The following ST18 variants were observed in gnomAD, a reference collection of about 807,000 sequenced individuals.
The protein encoded by ST18 is suppression of tumorigenicity 18 protein.
A neutral mutation model predicts 110.0 loss-of-function variants in ST18; 50 were observed. The ratio of observed to expected loss-of-function variants is 0.45; its 90% CI spans 0.36 to 0.58. ST18 has a LOEUF of 0.58. Among genes scored for constraint, ST18 ranks in the 20% least tolerant of loss-of-function variants. The pLI, the probability that ST18 is intolerant of heterozygous loss-of-function variation, is 0.00. For missense variants in ST18, 1,306 were observed against 1,280.1 expected, an observed-to-expected ratio of 1.02 and a Z score of -0.31; for synonymous variants, 461 against 452.4, an observed-to-expected ratio of 1.02 and a Z score of -0.24.
intron 2 of ST18, among the ~76,000 whole-genome samples, chr8:52,320,807 C>T (rs1803554181): frequency 6.6e-6 from 1 of 152,170 alleles, no homozygotes; most frequent in Non-Finnish European, 1.5e-5. Context: ...TGCCTTATGA[C>T]CCAACCATTC....
chr8:52,336,167 GAGAC>G (rs1477846487), intron 2 of ST18, among the ~76,000 whole-genome samples: 1 of 151,908 alleles, frequency 6.6e-6, no homozygotes, highest in African/African-American at 2.4e-5. Context: ...TATTATTTTT[GAGAC>G]AGAGTCTCCC....
At chr8:52,121,251 A>G (rs1470946021) in intron 23 of ST18, among the ~76,000 whole-genome samples, 2 of 152,182 alleles carry the variant, frequency 1.3e-5, no homozygotes, top group Non-Finnish European at 2.9e-5. Context: ...GGAGCTTGTG[A>G]GGGAAGATCA....
At chr8:52,172,993 T>C (rs2065550744) in intron 9 of ST18, among the ~76,000 whole-genome samples, 1 of 152,132 alleles carries the variant, frequency 6.6e-6, no homozygotes, top group East Asian at 1.9e-4. Flanking sequence ...CAGAAGAAAA[T>C]CAAATATATA....
chr8:52,353,148 G>C (rs2140339431), intron 2 of ST18, among the ~76,000 whole-genome samples: 1 of 152,324 alleles, frequency 6.6e-6, no homozygotes, highest in South Asian at 2.1e-4. Context: ...TCCAAAGATA[G>C]AGTTATGTAT....
At chr8:52,240,319 A>C (rs2093273402) in intron 2 of ST18, among the ~76,000 whole-genome samples, 1 of 152,162 alleles carries the variant, frequency 6.6e-6, no homozygotes, top group African/African-American at 2.4e-5. Flanking sequence ...TAACATGTTA[A>C]AGGAACTTGC....
intron 2 of ST18, among the ~76,000 whole-genome samples, chr8:52,290,343 T>C (rs1275426779): frequency 2.0e-5 from 3 of 152,178 alleles, no homozygotes; most frequent in Non-Finnish European, 2.9e-5. Context: ...GTGAACACAT[T>C]GTGTTCCCGC....
chr8:52,173,670 C>T (rs2065832089), intron 9 of ST18, among the ~76,000 whole-genome samples: 1 of 151,732 alleles, frequency 6.6e-6, no homozygotes, highest in Non-Finnish European at 1.5e-5. Flanking sequence ...GAAGTGCCTG[C>T]AACAGTGCCC....
rs921776170 is a variant in ST18, at chr8:52,409,537, T to C, written c.-590+11A>G. ...CAAAGCTACACAAATGCCAAGCCAA[T>C]GTGATAGCACCTTCCACAACTCTGC... On this transcript the variant is annotated intron_variant, in intron 1 of 25. Transcript: ENST00000689386. The C allele has an allele frequency of 2.2e-5, 2 of 91,916 alleles. No individual in the cohort carries two copies. Among genetic ancestry groups the C allele is most frequent in the Non-Finnish European group, 5.6e-5 (2 of 35,762 alleles). The allele number at this position is 91,916 out of a possible 1,614,324, so 5.7% of individuals were successfully genotyped here.
At chr8:52,314,040 A>G (rs1228167068) in intron 2 of ST18, among the ~76,000 whole-genome samples, 2 of 152,200 alleles carry the variant, frequency 1.3e-5, no homozygotes, top group African/African-American at 4.8e-5. Flanking sequence ...AGCCAAGGCC[A>G]GACTCTTCCC....
At chr8:52,354,564 G>T (rs181060650) in intron 2 of ST18, among the ~76,000 whole-genome samples, 1 of 152,150 alleles carries the variant, frequency 6.6e-6, no homozygotes, top group African/African-American at 2.4e-5. Context: ...GTTTGAATTC[G>T]CAAGAGAAGT....
intron 2 of ST18, among the ~76,000 whole-genome samples, chr8:52,389,889 T>C (rs1838685112): frequency 6.6e-6 from 1 of 152,148 alleles, no homozygotes; most frequent in African/African-American, 2.4e-5. Context: ...AAAATACAGA[T>C]ACAGCTGGCT....
chr8:52,136,913 C>G (rs2052643228), intron 18 of ST18, among the ~76,000 whole-genome samples: 1 of 152,172 alleles, frequency 6.6e-6, no homozygotes, highest in Non-Finnish European at 1.5e-5. Flanking sequence ...AACTCTAAAG[C>G]TCAGGGATGC....
At chr8:52,340,200 C>T (rs990776148) in intron 2 of ST18, among the ~76,000 whole-genome samples, 2 of 152,274 alleles carry the variant, frequency 1.3e-5, no homozygotes, top group African/African-American at 4.8e-5. Flanking sequence ...TGAGCCTCAA[C>T]TCTAAGAAAG....
chr8:52,343,987 T>G (rs1280785177), intron 2 of ST18, among the ~76,000 whole-genome samples: 1 of 152,228 alleles, frequency 6.6e-6, no homozygotes, highest in African/African-American at 2.4e-5. Flanking sequence ...TTTATGCAGA[T>G]GATAATGTAA....
intron 2 of ST18, among the ~76,000 whole-genome samples, chr8:52,350,348 G>A (rs568630495): frequency 7.6e-4 from 115 of 152,218 alleles, no homozygotes; most frequent in Middle Eastern, 3.4e-3. Context: ...CTTCTGTGAC[G>A]TGTTTGACCT....
At chr8:52,143,362 G>A (rs1256700243) in intron 16 of ST18, among the ~76,000 whole-genome samples, 1 of 152,116 alleles carries the variant, frequency 6.6e-6, no homozygotes, top group East Asian at 1.9e-4. Context: ...GTGCGTGCCT[G>A]TAGTCCCAGT....
At chr8:52,276,132 A>ACACACACCACATACATACCACACT (rs2095242856) in intron 2 of ST18, among the ~76,000 whole-genome samples, 1 of 2,070 alleles carries the variant, frequency 4.8e-4, no homozygotes. Flanking sequence ...CACATACCAC[A>ACACACACCACATACATACCACACT]CACACACCAC....
chr8:52,382,175 C>T (rs1336792191), intron 2 of ST18, among the ~76,000 whole-genome samples: 2 of 152,100 alleles, frequency 1.3e-5, no homozygotes, highest in Non-Finnish European at 1.5e-5. Flanking sequence ...CCATTTAAAG[C>T]CTTCTATCAG....
chr8:52,168,667 G>A (rs1162278892), intron 10 of ST18, among the ~76,000 whole-genome samples: 4 of 152,166 alleles, frequency 2.6e-5, no homozygotes, highest in African/African-American at 9.7e-5. Context: ...GCCAGCAGCA[G>A]GCATTTACAT....
Sources: allele counts gnomAD v4.1 joint callset (sites outside exome capture counted in the v4.1 genomes callset), GRCh38; gene constraint gnomAD v4.1.1; transcripts MANE v1.5; gene names NCBI Gene and HGNC (gene_info 2026-07-23, HGNC 2026-07-21).